Variants in FRAS1 observed in about 807,000 individuals in gnomAD.
FRAS1 encodes Fraser extracellular matrix complex subunit 1, also known as extracellular matrix organizing protein FRAS1.
Under a neutral mutation model 435.2 loss-of-function variants are expected in FRAS1, and 290 were observed. The observed-to-expected ratio is 0.67, with a 90% CI of 0.61 to 0.73. The LOEUF (loss-of-function observed/expected upper bound fraction) is 0.73, where lower values mean the gene tolerates loss of function less well. FRAS1 is among the 30% of genes least tolerant of loss of function. The pLI, the probability that FRAS1 is intolerant of heterozygous loss-of-function variation, is 0.00. For synonymous variants in FRAS1, 1,800 were observed against 1,851.0 expected (o/e 0.97, Z 0.71); for missense variants, 4,860 against 5,001.5 (o/e 0.97, Z 0.85).
chr4:78,187,004 T>C lies in FRAS1; in HGVS notation c.109-50506T>C, dbSNP rs1722301063. ...TTCCAAAGCACACAATAAATATTTTTGAGGGAATGCATGCATGGATGAGAA... is the reference window on the plus strand; with the variant it reads ...TTCCAAAGCACACAATAAATATTTTCGAGGGAATGCATGCATGGATGAGAA... On this transcript the variant is annotated intron_variant, in intron 2 of 73. Coordinates refer to ENST00000512123, the MANE Select transcript of FRAS1 (RefSeq NM_025074.7). Among the ~76,000 whole-genome samples the C allele has an allele frequency of 2.0e-5, 3 of 152,330 alleles. No homozygotes were observed. The South Asian group carries it at 6.2e-4, about 32-fold the overall frequency.
In FRAS1 at chr4:78,284,414, A is replaced by C; in HGVS notation, c.1265A>C (p.His422Pro). Residue 422 changes from histidine to proline, a missense_variant, in exon 13 of 74, where the codon CAT becomes CCT. By Grantham distance (77) the His-to-Pro change is moderately conservative (BLOSUM62 -2). Transcript: ENST00000512123. ...CCPDCTSVHC[H>P]PDCLTCSQSP... The stretch of plus-strand genomic sequence containing the variant: ...TTGTCCTTGATTTCAGTTCATTGCC[A>C]TCCAGATTGTTTGACATGCTCTCAG... 1 of 1,613,796 alleles carries C rather than the reference A, an allele frequency of 6.2e-7. No homozygotes were observed. Among genetic ancestry groups the C allele is most frequent in the Non-Finnish European group, 8.5e-7 (1 of 1,179,834 alleles).
chr4:78,454,917 C>A (rs1270843645), intron 47 of FRAS1, among the ~76,000 whole-genome samples: 1 of 152,238 alleles, frequency 6.6e-6, no homozygotes, highest in Admixed American at 6.5e-5. Context: ...GATCATGCTT[C>A]TCCCTCCTCC....
intron 33 of FRAS1, among the ~76,000 whole-genome samples, chr4:78,419,929 C>T (rs902521886): frequency 1.1e-4 from 17 of 152,146 alleles, no homozygotes; most frequent in African/African-American, 3.6e-4. Flanking sequence ...ACCAGGACAG[C>T]ACCCAGGGGG....
chr4:78,249,675 C>A (rs776262742), intron 4 of FRAS1, among the ~76,000 whole-genome samples: 2 of 151,998 alleles, frequency 1.3e-5, no homozygotes, highest in African/African-American at 4.8e-5. Flanking sequence ...AAGGGAGAAC[C>A]CATTGCTTAA....
intron 29 of FRAS1, among the ~76,000 whole-genome samples, chr4:78,398,195 T>A (rs1310077329): frequency 2.0e-5 from 3 of 152,222 alleles, no homozygotes; most frequent in Non-Finnish European, 4.4e-5. Flanking sequence ...AATGGAGGCA[T>A]ATGTATTACC....
intron 43 of FRAS1, among the ~76,000 whole-genome samples, chr4:78,447,300 A>AAAAC (rs1553961216): frequency 6.7e-6 from 1 of 148,212 alleles, no homozygotes; most frequent in East Asian, 2.0e-4. Context: ...AAAAAAAAAA[A>AAAAC]AAAACACTTT....
chr4:78,071,158 A>G (rs766208375), intron 2 of FRAS1: 1 of 152,210 alleles, frequency 6.6e-6, no homozygotes, highest in Non-Finnish European at 1.5e-5. Flanking sequence ...AAAATGTGGA[A>G]TGTTGACTAT....
chr4:78,522,348 A>G (rs1314953771), intron 68 of FRAS1, among the ~76,000 whole-genome samples: 1 of 152,194 alleles, frequency 6.6e-6, no homozygotes, highest in Non-Finnish European at 1.5e-5. Flanking sequence ...GTTCATTGTC[A>G]CATAAAGACC....
At chr4:78,080,372 C>T (rs552520082) in intron 2 of FRAS1, among the ~76,000 whole-genome samples, 15 of 152,232 alleles carry the variant, frequency 9.9e-5, no homozygotes, top group African/African-American at 3.6e-4. Flanking sequence ...TCAGGAGAAA[C>T]GGATGAATGT....
intron 2 of FRAS1, among the ~76,000 whole-genome samples, chr4:78,108,445 T>A: frequency 1.3e-5 from 1 of 76,256 alleles, no homozygotes; most frequent in African/African-American, 6.2e-5. Context: ...ATTAAGAATC[T>A]CACTCAAAGC....
At chr4:78,321,669 C>G (rs1729510843) in intron 18 of FRAS1, among the ~76,000 whole-genome samples, 1 of 151,874 alleles carries the variant, frequency 6.6e-6, no homozygotes, top group South Asian at 2.1e-4. Flanking sequence ...CATGGTGAAA[C>G]CCCATCTCTA....
chr4:78,421,997 G>T lies in FRAS1; in HGVS notation c.4675G>T (p.Ala1559Ser). 1 of 1,608,736 alleles carries T rather than the reference G, an allele frequency of 6.2e-7. No homozygotes were observed. The highest frequency in any genetic ancestry group is 8.5e-7 in the Non-Finnish European group (1 of 1,177,188). The change falls in exon 34 of 74, where the codon GCT becomes TCT. Residue 1559 changes from alanine to serine, a missense_variant. Ala to Ser is a moderately conservative substitution (Grantham distance 99). Transcript: ENST00000512123. Reference sequence around the variant, plus strand: ...CCAGGAGCTCATGGCCTTCTCGTTCGCTGGTAATGCTCTCCTCTCTGCTTT... The same window carrying T: ...CCAGGAGCTCATGGCCTTCTCGTTCTCTGGTAATGCTCTCCTCTCTGCTTT... ...HLQELMAFSFAGLPESVKFHF... is the reference protein window; with the variant it reads ...HLQELMAFSFSGLPESVKFHF...
chr4:78,384,418 A>G (rs548419143), intron 28 of FRAS1, among the ~76,000 whole-genome samples: 1 of 152,304 alleles, frequency 6.6e-6, no homozygotes, highest in South Asian at 2.1e-4. Context: ...ATGAGGTATT[A>G]TTGTCTCCAA....
At position 78,318,699 on chromosome 4, in the gene FRAS1, T is replaced by C. The variant is rs1013843668; in HGVS notation, c.1961-111T>C. 10 of 993,528 alleles carry C rather than the reference T, an allele frequency of 1.0e-5. No individual in the cohort carries two copies. The Admixed American group carries it at 1.4e-4, about 14-fold the overall frequency. 61.5% of individuals were successfully genotyped at this position (993,528 alleles called of 1,614,324 possible). On this transcript the variant is annotated intron_variant, in intron 17 of 73. Transcript: ENST00000512123. ...TGTATAGAACATTAGAAAAATAATA[T>C]GCTGAAAGGCTGCATTTGGTGAACT...
At chr4:78,512,946 A>G (rs1023054637) in intron 64 of FRAS1, among the ~76,000 whole-genome samples, 1 of 152,194 alleles carries the variant, frequency 6.6e-6, no homozygotes, top group Admixed American at 6.5e-5. Context: ...AAGCTCAACG[A>G]TATATTTTTG....
Position 78,539,438 on chromosome 4 carries a change from A to G in FRAS1, c.11443A>G (p.Lys3815Glu), listed in dbSNP as rs981788337. 14 of 1,606,406 alleles carry G rather than the reference A, an allele frequency of 8.7e-6. No individual in the cohort carries two copies. The highest frequency in any genetic ancestry group is 1.2e-5 in the Non-Finnish European group (14 of 1,177,244). ...TACTCTAAAAGTAGATGCACTCTATAAGGTGAGTTTGGTGAGAAGAACAGA... is the reference window on the plus strand; with the variant it reads ...TACTCTAAAAGTAGATGCACTCTATGAGGTGAGTTTGGTGAGAAGAACAGA... Reference protein sequence around the residue: ...GFTLKVDALYKVEAGHQWYLQ... With the variant: ...GFTLKVDALYEVEAGHQWYLQ... The change falls in exon 73 of 74, where the codon AAG (lysine) becomes GAG (glutamate). Residue 3815 changes from lysine to glutamate, a missense_variant and splice_region_variant. Lys to Glu is a moderately conservative substitution (Grantham distance 56). Coordinates refer to ENST00000512123, the MANE Select transcript of FRAS1 (RefSeq NM_025074.7).
At chr4:78,085,399 A>G (rs1274393772) in intron 2 of FRAS1, among the ~76,000 whole-genome samples, 1 of 152,080 alleles carries the variant, frequency 6.6e-6, no homozygotes, top group Non-Finnish European at 1.5e-5. Context: ...TGTTATTTAC[A>G]TTTGAAGGCA....
chr4:78,278,832 C>T (rs1043089771), intron 10 of FRAS1, 88 bp downstream of exon 10: 2 of 810,954 alleles, frequency 2.5e-6, no homozygotes, highest in South Asian at 1.5e-5. Context: ...TTTCTTTTGC[C>T]CATTCATTTG....
chr4:78,307,613 A>G (rs1048200138), intron 14 of FRAS1, among the ~76,000 whole-genome samples: 4 of 152,156 alleles, frequency 2.6e-5, no homozygotes, highest in South Asian at 4.2e-4. Context: ...GAGTGACCCG[A>G]TTTTCCAGGT....
Sources: gnomAD v4.1 joint callset for allele counts (sites outside exome capture counted in the v4.1 genomes callset) on GRCh38, gnomAD v4.1.1 for gene constraint, MANE v1.5 for transcripts, NCBI Gene and HGNC (gene_info 2026-07-23, HGNC 2026-07-21) for gene names.